The following SLC22A5 variants were observed in gnomAD, a reference collection of about 807,000 sequenced individuals.
The protein encoded by SLC22A5 is organic cation/carnitine transporter 2.
SLC22A5 carries 44 observed loss-of-function variants against 56.7 expected under a neutral mutation model. That is an observed-to-expected ratio of 0.78 (90% CI 0.61 to 1.00). SLC22A5 has a LOEUF of 1.00. SLC22A5 is among the 50% of genes least tolerant of loss of function. The pLI is 0.00. For missense variants in SLC22A5, 675 were observed against 723.0 expected, an observed-to-expected ratio of 0.93 and a Z score of 0.76; for synonymous variants, 278 against 292.1, an observed-to-expected ratio of 0.95 and a Z score of 0.49.
At position 132,385,310 on chromosome 5, in the gene SLC22A5, C is replaced by T. The variant is rs369982667; in HGVS notation, c.653-18C>T. On this transcript the variant is annotated intron_variant, in intron 3 of 9. Coordinates refer to ENST00000245407, the MANE Select transcript of SLC22A5 (RefSeq NM_003060.4). ...ACCCAAATTAAACTGCTAACTCGAC[C>T]TCCCTTGTTTTGAACAGGGACAGAA... 13 of 1,611,616 alleles carry T rather than the reference C, an allele frequency of 8.1e-6. No homozygotes were observed. The highest frequency in any genetic ancestry group is 1.1e-5 in the Non-Finnish European group (13 of 1,178,214).
intron 1 of SLC22A5, 66 bp from the exon 2 acceptor site, chr5:132,378,312 G>A (rs1429408148): frequency 6.2e-7 from 1 of 1,612,174 alleles, no homozygotes; most frequent in East Asian, 2.2e-5. Flanking sequence ...TCATTTTCCA[G>A]GATGCCTTTG....
At chr5:132,382,618 C>G (rs1752388815) in intron 2 of SLC22A5, 1 of 152,106 alleles carries the variant, frequency 6.6e-6, no homozygotes, top group African/African-American at 2.4e-5. Context: ...GGAGACCCTC[C>G]CTGAATGTCC....
intron 2 of SLC22A5, chr5:132,383,858 T>G: frequency 2.4e-6 from 1 of 419,712 alleles, no homozygotes; most frequent in Non-Finnish European, 4.3e-6. Flanking sequence ...TCATTATGAA[T>G]GTATGGATTA....
At chr5:132,385,731 GGGAAAAATAGCAGTAGC>G (rs1752505298) in intron 4 of SLC22A5, among the ~76,000 whole-genome samples, 1 of 152,402 alleles carries the variant, frequency 6.6e-6, no homozygotes, top group East Asian at 1.9e-4. Flanking sequence ...CCCAAGTGTG[GGGAAAAATAGCAGTAGC>G]TGTGAGAAGA....
chr5:132,370,436 C>G, intron 1 of SLC22A5, 71 bp downstream of exon 1: 4 of 1,527,050 alleles, frequency 2.6e-6, no homozygotes, highest in Non-Finnish European at 3.6e-6. Flanking sequence ...AACCCGAGCT[C>G]CTCTCTCCCA....
chr5:132,372,971 A>ACCTCTTCAGTGT (rs1751991316), intron 1 of SLC22A5, among the ~76,000 whole-genome samples: 2 of 152,246 alleles, frequency 1.3e-5, no homozygotes, highest in South Asian at 4.2e-4. Flanking sequence ...GAAGACTGGA[A>ACCTCTTCAGTGT]CCTCAGGTGT....
At chr5:132,370,645 C>G (rs1751876169) in intron 1 of SLC22A5, among the ~76,000 whole-genome samples, 1 of 152,176 alleles carries the variant, frequency 6.6e-6, no homozygotes, top group Non-Finnish European at 1.5e-5. Flanking sequence ...CTGGCGGTCC[C>G]TGGGCGATGC....
chr5:132,376,790 G>C (rs4646302), intron 1 of SLC22A5: 12,210 of 152,268 alleles, frequency 0.08, 613 homozygotes, highest in East Asian at 0.28. Context: ...CTCACACACA[G>C]AGGCCGGCAC....
chr5:132,379,241 T>C (rs576144864), intron 2 of SLC22A5: 3 of 152,732 alleles, frequency 2.0e-5, no homozygotes, highest in African/African-American at 7.2e-5. Context: ...TGTTGTGTCT[T>C]CTTTCCCTGG....
chr5:132,382,874 A>T (rs1246131501), intron 2 of SLC22A5: 10 of 152,222 alleles, frequency 6.6e-5, no homozygotes. Context: ...CTCAATAAAC[A>T]TTGAATGAAA....
At chr5:132,389,991 A>T (rs1752647610) in intron 6 of SLC22A5, 1 of 157,728 alleles carries the variant, frequency 6.3e-6, no homozygotes. Flanking sequence ...CCTGCAGATG[A>T]GTCAAAACAG....
rs113550530 is a variant in SLC22A5 at position 132,392,221 on chromosome 5, G to A, written c.1268-212G>A. Among the ~76,000 whole-genome samples the A allele has an allele frequency of 7.5e-3, 1,138 of 152,298 alleles. 21 individuals carry two copies. Among genetic ancestry groups the A allele is most frequent in the African/African-American group, 0.026 (1,093 of 41,560 alleles). On this transcript the variant is annotated intron_variant, in intron 7 of 9. Transcript: ENST00000245407. ...CTTACTCTGGTGGTCTCCAGGTTGA[G>A]GAAAGTGCATGTCCTTATAGCTGCA...
rs543340883 is a variant in SLC22A5, at chr5:132,369,735, C to T, written c.-238C>T. On this transcript the variant is annotated 5_prime_UTR_variant, in exon 1 of 10. Transcript: ENST00000245407. ...GCCTTCGCCGGCGCCGCTCTGCCTG[C>T]CAGCGGGGCGCGCCTTGCGGCCCAG... 1 of 474,514 alleles carries T rather than the reference C, an allele frequency of 2.1e-6. No individual in the cohort carries two copies. The highest frequency in any genetic ancestry group is 2.0e-5 in the African/African-American group (1 of 48,856). 29.4% of individuals were successfully genotyped at this position (474,514 alleles called of 1,614,324 possible). A position where few individuals can be genotyped will look rare whatever the true frequency, so the allele number is the denominator to read the frequency against.
chr5:132,389,176 T>C (rs920850593), intron 6 of SLC22A5, 155 bp downstream of exon 6: 1 of 662,656 alleles, frequency 1.5e-6, no homozygotes, highest in Non-Finnish European at 2.8e-6. Context: ...AAAATGGGCA[T>C]GTCACAATTC....
Position 132,378,044 on chromosome 5 carries a change from C to T in SLC22A5, c.394-334C>T. 4 of 1,485,742 alleles carry T rather than the reference C, an allele frequency of 2.7e-6. No individual in the cohort carries two copies. In the South Asian group the frequency reaches 4.1e-5, roughly 15 times the overall value. 92.0% of individuals were successfully genotyped at this position (1,485,742 alleles called of 1,614,324 possible). On this transcript the variant is annotated intron_variant, in intron 1 of 9. Coordinates refer to ENST00000245407, the MANE Select transcript of SLC22A5 (RefSeq NM_003060.4). ...ACTGAGCGAGGGTGCCCTGCCTCTTCCACAGCCCTGGGCTCCGCTCAGATT... is the reference window on the plus strand; with the variant it reads ...ACTGAGCGAGGGTGCCCTGCCTCTTTCACAGCCCTGGGCTCCGCTCAGATT...
chr5:132,386,916 A>T, intron 4 of SLC22A5, 109 bp from the exon 5 acceptor site: 1 of 1,192,580 alleles, frequency 8.4e-7, no homozygotes, highest in Non-Finnish European at 1.2e-6. Context: ...CAAACATTCC[A>T]CAAGCTCTGG....
Position 132,369,949 on chromosome 5 carries a change from G to T in SLC22A5, c.-24G>T, listed in dbSNP as rs1218107043. ...GCCGCGTTCCCCGACCCCAGGCCGC[G>T]CTCTGTGGGCCTCTGAGGGCGGCAT... On this transcript the variant is annotated 5_prime_UTR_variant, in exon 1 of 10. Transcript: ENST00000245407. 1.2e-6 allele frequency: 2 copies of T among 1,611,012 alleles called. No homozygotes were observed. Among genetic ancestry groups the T allele is most frequent in the African/African-American group, 1.3e-5 (1 of 74,792 alleles).
chr5:132,377,981 A>G lies in SLC22A5; in HGVS notation c.394-397A>G, dbSNP rs184274879. 1.8e-3 allele frequency: 1,657 copies of G among 937,174 alleles called. 3 individuals carry two copies. Among genetic ancestry groups the G allele is most frequent in the Non-Finnish European group, 2.3e-3 (1,443 of 635,758 alleles). 58.1% of individuals were successfully genotyped at this position (937,174 alleles called of 1,614,324 possible). On this transcript the variant is annotated intron_variant, in intron 1 of 9. Transcript: ENST00000245407. ...AGAGCCCCAGAGCCCTGCTTCCAGAACCACTCCAGTGACGTTCATGCCAAT... is the reference window on the plus strand; with the variant it reads ...AGAGCCCCAGAGCCCTGCTTCCAGAGCCACTCCAGTGACGTTCATGCCAAT...
chr5:132,387,533 AAGCT>A (rs1426736471), intron 5 of SLC22A5, among the ~76,000 whole-genome samples: 6 of 152,212 alleles, frequency 3.9e-5, no homozygotes, highest in Non-Finnish European at 8.8e-5. Flanking sequence ...TCACCTTACA[AAGCT>A]AACCCCAAAC....
Sources: allele counts gnomAD v4.1 joint callset (sites outside exome capture counted in the v4.1 genomes callset), GRCh38; gene constraint gnomAD v4.1.1; transcripts MANE v1.5; gene names NCBI Gene and HGNC (gene_info 2026-07-23, HGNC 2026-07-21).